The following TAFA5 variants were observed in gnomAD, a reference collection of about 807,000 sequenced individuals.
TAFA5 encodes TAFA chemokine like family member 5, also known as chemokine-like protein TAFA-5.
In TAFA5, 6 loss-of-function variants were observed where a neutral mutation model predicts 15.3. The observed-to-expected ratio is 0.39, with a 90% CI of 0.21 to 0.77. TAFA5 has a LOEUF of 0.77. Among genes scored for constraint, TAFA5 ranks in the 30% least tolerant of loss-of-function variants. The pLI is 0.41. For synonymous variants in TAFA5, 103 were observed against 80.7 expected, an observed-to-expected ratio of 1.28 and a Z score of -1.48; for missense variants, 161 against 193.1, an observed-to-expected ratio of 0.83 and a Z score of 0.98.
chr22:48,570,267 C>T (rs1419284749), intron 1 of TAFA5, among the ~76,000 whole-genome samples: 1 of 152,218 alleles, frequency 6.6e-6, no homozygotes, highest in East Asian at 1.9e-4. Context: ...TATACATATA[C>T]CACTTCTTCC....
Position 48,749,940 on chromosome 22 carries a change from C to T in TAFA5, c.*93C>T. The T allele has an allele frequency of 1.7e-6, 2 of 1,200,146 alleles. No homozygotes were observed. Among genetic ancestry groups the T allele is most frequent in the Admixed American group, 4.0e-5 (2 of 50,256 alleles). The allele number at this position is 1,200,146 out of a possible 1,614,324, so 74.3% of individuals were successfully genotyped here. On this transcript the variant is annotated 3_prime_UTR_variant, in exon 4 of 4. Transcript: ENST00000402357. ...GTTCTCCACTCGCCTCGGACTTCAC[C>T]CGTTCTCTGCCGCCCGCCCACTCCG...
intron 1 of TAFA5, among the ~76,000 whole-genome samples, chr22:48,603,892 A>G (rs1402559208): frequency 2.6e-5 from 4 of 152,162 alleles, no homozygotes; most frequent in Non-Finnish European, 5.9e-5. Flanking sequence ...GGGAGTGCAC[A>G]GAGGGGAAAG....
intron 1 of TAFA5, among the ~76,000 whole-genome samples, chr22:48,605,396 GTAA>G (rs1415857038): frequency 2.0e-5 from 3 of 147,708 alleles, no homozygotes; most frequent in African/African-American, 7.5e-5. Flanking sequence ...GGTGGTAATG[GTAA>G]TGATGGTGGT....
At chr22:48,738,558 A>G (rs6010511) in intron 3 of TAFA5, among the ~76,000 whole-genome samples, 33,723 of 151,786 alleles carry the variant, frequency 0.22, 4,036 homozygotes, top group Admixed American at 0.32. Context: ...AGGACCCTCT[A>G]CTCACCCCAG....
At chr22:48,653,814 A>G (rs1371811997) in intron 2 of TAFA5, among the ~76,000 whole-genome samples, 2 of 152,070 alleles carry the variant, frequency 1.3e-5, no homozygotes, top group South Asian at 2.1e-4. Context: ...CAGGGAGCAC[A>G]GCTCAGGGTG....
intron 3 of TAFA5, among the ~76,000 whole-genome samples, chr22:48,717,657 GT>G (rs1929443328): frequency 6.6e-6 from 1 of 152,214 alleles, no homozygotes; most frequent in Non-Finnish European, 1.5e-5. Flanking sequence ...ATCAGGCCCC[GT>G]TCTCTGTCGG....
chr22:48,734,860 A>G (rs1929963375), intron 3 of TAFA5, among the ~76,000 whole-genome samples: 1 of 152,214 alleles, frequency 6.6e-6, no homozygotes, highest in Non-Finnish European at 1.5e-5. Flanking sequence ...GAAAAACCCA[A>G]GTTGGACTCT....
rs111399112 is a variant in TAFA5 at position 48,648,702 on chromosome 22, G to A, written c.262+1956G>A. On this transcript the variant is annotated intron_variant, in intron 2 of 3. Transcript: ENST00000402357. ...AAAAATACAAAATTACCCGGGCGTGGTGGTGTGCACCAGCTACTCGGGAGG... is the reference window on the plus strand; with the variant it reads ...AAAAATACAAAATTACCCGGGCGTGATGGTGTGCACCAGCTACTCGGGAGG... Among the ~76,000 whole-genome samples the A allele has an allele frequency of 2.8e-3, 426 of 152,270 alleles. 4 individuals carry two copies. The highest frequency in any genetic ancestry group is 9.8e-3 in the African/African-American group (408 of 41,548).
intron 3 of TAFA5, among the ~76,000 whole-genome samples, chr22:48,714,561 G>A (rs992153123): frequency 2.0e-5 from 3 of 152,178 alleles, no homozygotes; most frequent in African/African-American, 7.2e-5. Context: ...AGACCTGGGC[G>A]GCGTTGGACC....
chr22:48,589,986 C>CGTGTGTGTGTGTGT (rs35969553), intron 1 of TAFA5, among the ~76,000 whole-genome samples: 12 of 149,768 alleles, frequency 8.0e-5, no homozygotes, highest in African/African-American at 2.5e-4. Context: ...TTGCAGCCGA[C>CGTGTGTGTGTGTGT]GTGTGTGTGT....
rs564891103 is a variant in TAFA5, at chr22:48,530,847, A to G, written c.112+41143A>G. On this transcript the variant is annotated intron_variant, in intron 1 of 3. Transcript: ENST00000402357. The surrounding 1 kb of genome is among the most constrained non-coding windows in gnomAD (Gnocchi z 6.0). Reference sequence around the variant, plus strand: ...CCAGTGCGTGTGGCTATGGGCTTCGACAAAGCAGGGGAGAAATGTCCCTCG... The same window carrying G: ...CCAGTGCGTGTGGCTATGGGCTTCGGCAAAGCAGGGGAGAAATGTCCCTCG... 5.3e-5 allele frequency among the ~76,000 whole-genome samples: 8 copies of G among 152,258 alleles called. No individual in the cohort carries two copies. The East Asian group carries it at 1.4e-3, about 26-fold the overall frequency.
chr22:48,531,550 C>T (rs755043635), intron 1 of TAFA5, among the ~76,000 whole-genome samples: 9 of 152,188 alleles, frequency 5.9e-5, no homozygotes, highest in Non-Finnish European at 1.0e-4. Context: ...CTTGGTTTGG[C>T]ATTGGCGTCA....
chr22:48,599,182 C>T (rs1265444639), intron 1 of TAFA5, among the ~76,000 whole-genome samples: 2 of 152,192 alleles, frequency 1.3e-5, no homozygotes, highest in African/African-American at 2.4e-5. Flanking sequence ...TGGTGATTAA[C>T]TCAATCTCCA....
At chr22:48,724,011 T>C (rs1444457392) in intron 3 of TAFA5, among the ~76,000 whole-genome samples, 1 of 152,236 alleles carries the variant, frequency 6.6e-6, no homozygotes, top group Non-Finnish European at 1.5e-5. Context: ...TGGTCATTGG[T>C]GCTGTGCAAC....
At chr22:48,526,171 T>C (rs1224441347) in intron 1 of TAFA5, among the ~76,000 whole-genome samples, 1 of 152,234 alleles carries the variant, frequency 6.6e-6, no homozygotes, top group African/African-American at 2.4e-5. Flanking sequence ...ATGAAGGGGC[T>C]GTCCAGGGCT....
intron 1 of TAFA5, among the ~76,000 whole-genome samples, chr22:48,512,922 C>CAAAA (rs754722482): frequency 1.1e-5 from 1 of 88,784 alleles, no homozygotes; most frequent in Non-Finnish European, 2.2e-5. Flanking sequence ...GACTCTGTCT[C>CAAAA]AAAAAAAAAA....
At chr22:48,506,997 G>A (rs1268411454) in intron 1 of TAFA5, among the ~76,000 whole-genome samples, 7 of 152,078 alleles carry the variant, frequency 4.6e-5, no homozygotes, top group African/African-American at 9.7e-5. Context: ...AGTGGCATGG[G>A]GAGAACCCCG....
chr22:48,686,959 T>A (rs1041019457), intron 2 of TAFA5, among the ~76,000 whole-genome samples: 1 of 146,934 alleles, frequency 6.8e-6, no homozygotes, highest in Admixed American at 6.8e-5. Context: ...GGGTGGGTGA[T>A]GAATGAGTGA....
intron 3 of TAFA5, among the ~76,000 whole-genome samples, chr22:48,713,799 T>C (rs1929325078): frequency 6.6e-6 from 1 of 152,182 alleles, no homozygotes; most frequent in Non-Finnish European, 1.5e-5. Flanking sequence ...GCTCGGAGCC[T>C]GGAGGAGGGG....
Sources: gnomAD v4.1 joint callset for allele counts (sites outside exome capture counted in the v4.1 genomes callset) on GRCh38, gnomAD v4.1.1 for gene constraint, Gnocchi (gnomAD v3.1) non-coding constraint, MANE v1.5 for transcripts, NCBI Gene and HGNC (gene_info 2026-07-23, HGNC 2026-07-21) for gene names.